The following ABCC1 variants were observed in gnomAD, a reference collection of about 807,000 sequenced individuals.
ABCC1 encodes the protein ATP binding cassette subfamily C member 1 (ABCC1 blood group).
ABCC1 carries 83 observed loss-of-function variants against 172.9 expected under a neutral mutation model. That is an observed-to-expected ratio of 0.48 (90% CI 0.40 to 0.58). The LOEUF is 0.58. Among genes scored for constraint, ABCC1 ranks in the 20% least tolerant of loss-of-function variants. ABCC1 has a pLI of 0.00. For synonymous variants in ABCC1, 937 were observed against 825.2 expected (o/e 1.14, Z -2.32); for missense variants, 1,817 against 2,002.7 (o/e 0.91, Z 1.77).
rs549090060 is a variant in ABCC1 at position 16,041,750 on chromosome 16, G to A, written c.810-2700G>A. 1.6e-3 allele frequency among the ~76,000 whole-genome samples: 238 copies of A among 152,208 alleles called. 1 individual carries two copies. The highest frequency in any genetic ancestry group is 3.4e-3 in the Middle Eastern group (1 of 294). ...GACGCCAGGGCTGGGGGCTCTGCAT[G>A]GCTTCCTGGATCCTTTTACCACCTC... On this transcript the variant is annotated intron_variant, in intron 7 of 30. Coordinates refer to ENST00000399410, the MANE Select transcript of ABCC1 (RefSeq NM_004996.4).
chr16:16,014,728 C>A, intron 4 of ABCC1, 100 bp downstream of exon 4: 1 of 1,434,934 alleles, frequency 7.0e-7, no homozygotes, highest in Non-Finnish European at 9.5e-7. Flanking sequence ...GCCATGGGAA[C>A]CAGGGGCTGG....
At chr16:15,988,976 G>A (rs2046800725) in intron 1 of ABCC1, among the ~76,000 whole-genome samples, 1 of 150,876 alleles carries the variant, frequency 6.6e-6, no homozygotes, top group South Asian at 2.1e-4. Context: ...GGCTGAGGTG[G>A]GAGGATCACT....
intron 7 of ABCC1, among the ~76,000 whole-genome samples, chr16:16,039,266 CTTTT>C (rs1202497870): frequency 1.1e-5 from 1 of 87,768 alleles, no homozygotes; most frequent in Non-Finnish European, 2.1e-5. Context: ...TGTGTGTTTT[CTTTT>C]TTTTTTTTTT....
intron 12 of ABCC1, among the ~76,000 whole-genome samples, chr16:16,063,423 G>A (rs2049992868): frequency 6.6e-6 from 1 of 152,078 alleles, no homozygotes; most frequent in South Asian, 2.1e-4. Flanking sequence ...TTGTCATTTT[G>A]TGCTTGTACC....
chr16:16,020,182 A>G (rs924599788), intron 5 of ABCC1, among the ~76,000 whole-genome samples: 1 of 152,108 alleles, frequency 6.6e-6, no homozygotes, highest in Non-Finnish European at 1.5e-5. Flanking sequence ...TTGGCCTCCC[A>G]AAGTGCTGGG....
chr16:15,961,256 C>T (rs1359393068), intron 1 of ABCC1, among the ~76,000 whole-genome samples: 1 of 152,128 alleles, frequency 6.6e-6, no homozygotes, highest in African/African-American at 2.4e-5. Flanking sequence ...TCCCCACTCC[C>T]CAGTTGCCTT....
At chr16:16,003,422 A>ATGG (rs1281776723) in intron 1 of ABCC1, among the ~76,000 whole-genome samples, 1 of 104,300 alleles carries the variant, frequency 9.6e-6, no homozygotes, top group South Asian at 3.0e-4. Flanking sequence ...GGATGGATGG[A>ATGG]TGGATGGGTG....
chr16:16,046,231 T>C (rs1210032420), intron 9 of ABCC1, among the ~76,000 whole-genome samples: 2 of 151,726 alleles, frequency 1.3e-5, no homozygotes, highest in Non-Finnish European at 2.9e-5. Context: ...TCTTTGTGTA[T>C]CAGCTGTGAG....
intron 25 of ABCC1, 152 bp from the exon 26 acceptor site, chr16:16,125,658 C>G: frequency 1.7e-6 from 1 of 580,708 alleles, no homozygotes; most frequent in Non-Finnish European, 3.0e-6. Context: ...GTCTCAAACC[C>G]CTGACCTCAG....
Position 16,124,717 on chromosome 16 carries a change from C to G in ABCC1, c.3591-72C>G, listed in dbSNP as rs954720672. On this transcript the variant is annotated intron_variant, in intron 24 of 30. Coordinates refer to ENST00000399410, the MANE Select transcript of ABCC1 (RefSeq NM_004996.4). ...GTTAGCAAAGAATCCCCTTCCTCCCCCAAGAGCTGTAAGCCAAGTCTCTGT... is the reference window on the plus strand; with the variant it reads ...GTTAGCAAAGAATCCCCTTCCTCCCGCAAGAGCTGTAAGCCAAGTCTCTGT... 344 of 1,603,210 alleles carry G rather than the reference C, an allele frequency of 2.1e-4. 2 individuals are homozygous for G. Among genetic ancestry groups the G allele is most frequent in the Admixed American group, 4.4e-4 (26 of 59,734 alleles).
chr16:16,116,311 G>A (rs541162564), intron 23 of ABCC1, among the ~76,000 whole-genome samples: 58 of 152,100 alleles, frequency 3.8e-4, no homozygotes, highest in Non-Finnish European at 5.7e-4. Context: ...GGGCAAGGGA[G>A]CATATGGGTG....
intron 5 of ABCC1, among the ~76,000 whole-genome samples, chr16:16,029,044 G>A (rs2048472172): frequency 6.6e-6 from 1 of 152,006 alleles, no homozygotes; most frequent in Non-Finnish European, 1.5e-5. Flanking sequence ...AACTCCTTAG[G>A]TGATTCCAGT....
Position 16,087,007 on chromosome 16 carries a change from GTGGGGC to G in ABCC1, c.2460+18_2460+23del. ...GAAGAACAAGGTGCCTGCTGGCGGGGTGGGGCTTGGTGTTGGGCCGTCTCGCCCTTT... is the reference window on the plus strand; with the variant it reads ...GAAGAACAAGGTGCCTGCTGGCGGGGTTGGTGTTGGGCCGTCTCGCCCTTT... On this transcript the variant is annotated intron_variant, in intron 18 of 30. Coordinates refer to ENST00000399410, the MANE Select transcript of ABCC1 (RefSeq NM_004996.4). 1 of 1,613,850 alleles carries G rather than the reference GTGGGGC, an allele frequency of 6.2e-7. No individual in the cohort carries two copies. The highest frequency in any genetic ancestry group is 1.3e-5 in the African/African-American group (1 of 75,070).
chr16:15,993,090 T>C (rs867608265), intron 1 of ABCC1, among the ~76,000 whole-genome samples: 2 of 152,244 alleles, frequency 1.3e-5, no homozygotes, highest in Admixed American at 6.5e-5. Context: ...TTTGTCATTA[T>C]GTTCTTATCT....
chr16:15,982,798 G>A (rs540157412), intron 1 of ABCC1, among the ~76,000 whole-genome samples: 18 of 14,142 alleles, frequency 1.3e-3, no homozygotes, highest in African/African-American at 3.1e-3. Flanking sequence ...AGAGTGAGAC[G>A]CTGTCAAAAA....
intron 9 of ABCC1, among the ~76,000 whole-genome samples, chr16:16,047,284 T>C (rs1315371839): frequency 6.6e-6 from 1 of 152,108 alleles, no homozygotes; most frequent in Non-Finnish European, 1.5e-5. Flanking sequence ...GTCATTGTTT[T>C]TGTTTTTTAT....
At chr16:16,129,331 T>G (rs1026315447) in intron 26 of ABCC1, among the ~76,000 whole-genome samples, 2 of 152,016 alleles carry the variant, frequency 1.3e-5, no homozygotes, top group African/African-American at 4.8e-5. Context: ...TTGCCTTAGT[T>G]GCATTGTAAG....
At chr16:16,133,910 G>A (rs558947544) in intron 27 of ABCC1, among the ~76,000 whole-genome samples, 177 of 152,278 alleles carry the variant, frequency 1.2e-3, no homozygotes, top group Non-Finnish European at 2.2e-3. Context: ...CCAGGTCATA[G>A]CAAAGGGCCG....
rs1352521777 is a variant in ABCC1 at position 16,019,906 on chromosome 16, G to A, written c.615+3285G>A. On this transcript the variant is annotated intron_variant, in intron 5 of 30. Transcript: ENST00000399410. ...GCTCGGCTCCTCCTGTGTCACTGCT[G>A]GTCTTCCAAGATGGTGGAAGACACT... 1.3e-4 allele frequency among the ~76,000 whole-genome samples: 20 copies of A among 152,122 alleles called. 1 individual carries two copies.
Sources: allele counts gnomAD v4.1 joint callset (sites outside exome capture counted in the v4.1 genomes callset), GRCh38; gene constraint gnomAD v4.1.1; transcripts MANE v1.5; gene names NCBI Gene and HGNC (gene_info 2026-07-23, HGNC 2026-07-21).